ATP8A1: variants seen among roughly 807,000 people sequenced by gnomAD.
ATP8A1 encodes ATPase phospholipid transporting 8A1, also known as phospholipid-transporting ATPase IA.
In ATP8A1, 90 loss-of-function variants were observed where a neutral mutation model predicts 177.7. The observed-to-expected ratio is 0.51, with a 90% CI of 0.43 to 0.60. The LOEUF is 0.60. Among genes scored for constraint, ATP8A1 ranks in the 20% least tolerant of loss-of-function variants. ATP8A1 has a pLI of 0.00. For synonymous variants in ATP8A1, 493 were observed against 485.9 expected (o/e 1.01, Z -0.19); for missense variants, 1,072 against 1,392.8 (o/e 0.77, Z 3.67).
chr4:42,654,901 A>T (rs886777961), intron 1 of ATP8A1, among the ~76,000 whole-genome samples: 1 of 152,220 alleles, frequency 6.6e-6, no homozygotes, highest in Non-Finnish European at 1.5e-5. Context: ...TATATTTTTT[A>T]GGAAAGAAAT....
At position 42,482,334 on chromosome 4, in the gene ATP8A1, C is replaced by CAAA. The variant is rs11445014; in HGVS notation, c.2324+3159_2324+3161dup. On this transcript the variant is annotated intron_variant, in intron 25 of 36. Transcript: ENST00000381668. The stretch of plus-strand genomic sequence containing the variant: ...ACAAAAAAACAAACAAACAAACAAA[C>CAAA]AAAAAAAAAAAAGAAAAGAAAATAC... Among the ~76,000 whole-genome samples the CAAA allele has an allele frequency of 1.0e-3, 145 of 145,078 alleles. 1 individual carries two copies. The highest frequency in any genetic ancestry group is 3.6e-3 in the African/African-American group (139 of 38,248).
Position 42,654,263 on chromosome 4 carries a change from A to G in ATP8A1, c.49+2562T>C, listed in dbSNP as rs558622827. On this transcript the variant is annotated intron_variant, in intron 1 of 36. Coordinates refer to ENST00000381668, the MANE Select transcript of ATP8A1 (RefSeq NM_006095.2). ...GTCCTGCGTCCCCCACAGCATGCAC[A>G]ATATTTAATTAACAACATCCCCTCT... Among the ~76,000 whole-genome samples the G allele has an allele frequency of 9.8e-5, 15 of 152,296 alleles. No individual in the cohort carries two copies. In the South Asian group the frequency reaches 3.1e-3, roughly 32 times the overall value.
intron 20 of ATP8A1, among the ~76,000 whole-genome samples, chr4:42,530,738 C>T (rs28866186): frequency 0.077 from 11,679 of 152,184 alleles, 1,151 homozygotes; most frequent in African/African-American, 0.23. Flanking sequence ...TTTGCAGGGC[C>T]GGAGCAAAGT....
chr4:42,578,216 C>A, intron 12 of ATP8A1, 44 bp downstream of exon 12: 1 of 1,507,940 alleles, frequency 6.6e-7, no homozygotes, highest in African/African-American at 1.4e-5. Flanking sequence ...ATCCTAAGGA[C>A]AAAATTATTT....
intron 4 of ATP8A1, 107 bp downstream of exon 4, chr4:42,624,428 AT>A: frequency 7.1e-6 from 4 of 567,276 alleles, no homozygotes; most frequent in Middle Eastern, 5.0e-4. Context: ...TTGAATGGAT[AT>A]TTTAAACAGC....
At chr4:42,581,815 C>A in intron 9 of ATP8A1, 83 bp from the exon 10 acceptor site, 1 of 969,306 alleles carries the variant, frequency 1.0e-6, no homozygotes, top group Admixed American at 2.3e-5. Flanking sequence ...ACAAAAGTAC[C>A]CATTATTAAA....
chr4:42,558,536 T>A (rs1262598278), intron 15 of ATP8A1, among the ~76,000 whole-genome samples: 2 of 152,328 alleles, frequency 1.3e-5, no homozygotes, highest in South Asian at 4.1e-4. Flanking sequence ...AAATGAAGAA[T>A]CTCTATAGCA....
intron 6 of ATP8A1, among the ~76,000 whole-genome samples, chr4:42,595,015 A>G (rs1281686569): frequency 6.6e-6 from 1 of 152,182 alleles, no homozygotes; most frequent in African/African-American, 2.4e-5. Flanking sequence ...AAAAACTGAT[A>G]GCAGTCATTT....
chr4:42,473,820 G>A (rs1424044276), intron 25 of ATP8A1, among the ~76,000 whole-genome samples: 1 of 131,674 alleles, frequency 7.6e-6, no homozygotes, highest in Non-Finnish European at 1.7e-5. Context: ...TAATTTTTGT[G>A]TTTTTTTTTT....
intron 27 of ATP8A1, among the ~76,000 whole-genome samples, chr4:42,462,564 G>A (rs1237852250): frequency 6.6e-6 from 1 of 152,250 alleles, no homozygotes; most frequent in Admixed American, 6.5e-5. Flanking sequence ...GAAATGCCTG[G>A]ATGCCCAGGC....
intron 9 of ATP8A1, among the ~76,000 whole-genome samples, chr4:42,584,536 G>T (rs1036813355): frequency 2.0e-5 from 3 of 152,050 alleles, no homozygotes; most frequent in African/African-American, 7.3e-5. Flanking sequence ...CTCAGTTTTG[G>T]TCCCCCTGCT....
chr4:42,561,187 G>A (rs1046279413), intron 15 of ATP8A1, among the ~76,000 whole-genome samples: 4 of 152,200 alleles, frequency 2.6e-5, no homozygotes, highest in African/African-American at 7.2e-5. Context: ...TTTATCCAGC[G>A]TGTGCACGGC....
chr4:42,448,960 T>A (rs1334745615), intron 30 of ATP8A1, among the ~76,000 whole-genome samples: 1 of 150,350 alleles, frequency 6.7e-6, no homozygotes, highest in Non-Finnish European at 1.5e-5. Flanking sequence ...CTCAGCCTCC[T>A]GAGTAGCTGG....
intron 15 of ATP8A1, among the ~76,000 whole-genome samples, chr4:42,562,687 G>C (rs1028937896): frequency 2.0e-5 from 3 of 152,198 alleles, no homozygotes; most frequent in Non-Finnish European, 2.9e-5. Flanking sequence ...TGTTGTAGGA[G>C]AGACCTGATG....
Position 42,493,742 on chromosome 4 carries a change from CAT to C in ATP8A1, c.2152-8076_2152-8075del, listed in dbSNP as rs1353596403. Among the ~76,000 whole-genome samples the C allele has an allele frequency of 3.3e-5, 5 of 152,222 alleles. No homozygotes were observed. The South Asian group carries it at 8.3e-4, about 25-fold the overall frequency. ...TAACTTCTCTGAATCACATTTTTCT[CAT>C]TCATAAGATTGGGTTACTATCTATT... On this transcript the variant is annotated intron_variant, in intron 24 of 36. Transcript: ENST00000381668.
At chr4:42,579,237 A>G (rs1732774010) in intron 11 of ATP8A1, among the ~76,000 whole-genome samples, 1 of 151,572 alleles carries the variant, frequency 6.6e-6, no homozygotes, top group Non-Finnish European at 1.5e-5. Context: ...GATAACATTT[A>G]ATATAGGACT....
chr4:42,521,616 G>A (rs901877158), intron 22 of ATP8A1, among the ~76,000 whole-genome samples: 2 of 152,092 alleles, frequency 1.3e-5, no homozygotes, highest in Non-Finnish European at 2.9e-5. Context: ...ACAGGTATAT[G>A]TTTGTCACAA....
At chr4:42,448,396 C>CTTTATTTTTTTTTT (rs778022629) in intron 30 of ATP8A1, among the ~76,000 whole-genome samples, 7 of 84,102 alleles carry the variant, frequency 8.3e-5, no homozygotes, top group East Asian at 4.8e-4. Context: ...CCTTCTCTTT[C>CTTTATTTTTTTTTT]TTTTCTTTTT....
At position 42,587,310 on chromosome 4, in the gene ATP8A1, C is replaced by CTT. The variant is rs991848308; in HGVS notation, c.595-836_595-835dup. On this transcript the variant is annotated intron_variant, in intron 8 of 36. Transcript: ENST00000381668. ...CTTGTTGTACAGCTTCTTTTCTTTTCTTTTTTTTTTTTTTTGAGACGGAGT... is the reference window on the plus strand; with the variant it reads ...CTTGTTGTACAGCTTCTTTTCTTTTCTTTTTTTTTTTTTTTTTGAGACGGAGT... 8.6e-3 allele frequency among the ~76,000 whole-genome samples: 1,178 copies of CTT among 137,404 alleles called. 9 individuals are homozygous for CTT. The highest frequency in any genetic ancestry group is 0.029 in the African/African-American group (1,085 of 37,656). 90.1% of individuals were successfully genotyped at this position (137,404 alleles called of 152,430 possible).
Sources: gnomAD v4.1 joint callset for allele counts (sites outside exome capture counted in the v4.1 genomes callset) on GRCh38, gnomAD v4.1.1 for gene constraint, MANE v1.5 for transcripts, NCBI Gene and HGNC (gene_info 2026-07-23, HGNC 2026-07-21) for gene names.